Variants in CCDC85B observed in about 807,000 individuals in gnomAD.
The protein encoded by CCDC85B is coiled-coil domain-containing protein 85B.
A neutral mutation model predicts 13.6 loss-of-function variants in CCDC85B; 8 were observed. That is an observed-to-expected ratio of 0.59 (90% CI 0.35 to 1.06). The LOEUF (loss-of-function observed/expected upper bound fraction) is 1.06. CCDC85B is among the 50% of genes least tolerant of loss of function. The pLI is 0.02. For missense variants in CCDC85B, 217 were observed against 285.9 expected, an observed-to-expected ratio of 0.76 and a Z score of 1.74; for synonymous variants, 118 against 135.9, an observed-to-expected ratio of 0.87 and a Z score of 0.92.
rs929261562 is a variant in CCDC85B at position 65,890,767 on chromosome 11, C to A, written c.-17C>A. The A allele has an allele frequency of 1.0e-5, 15 of 1,429,210 alleles. No homozygotes were observed. Among genetic ancestry groups the A allele is most frequent in the Middle Eastern group, 2.4e-4 (1 of 4,134 alleles). 88.5% of individuals were successfully genotyped at this position (1,429,210 alleles called of 1,614,324 possible). ...CCGCGGCGGCGGGCGGGCGATGCTC[C>A]AGAGGCCTGACCAGCCATGGAGGCC... On this transcript the variant is annotated 5_prime_UTR_variant, in exon 1 of 1. Transcript: ENST00000312579.
Position 65,891,034 on chromosome 11 carries a change from T to C in CCDC85B, c.251T>C (p.Leu84Pro). The C allele has an allele frequency of 6.5e-7, 1 of 1,543,696 alleles. No homozygotes were observed. Among genetic ancestry groups the C allele is most frequent in the South Asian group, 1.2e-5 (1 of 84,154 alleles). Residue 84 changes from leucine (L) to proline (P), a missense_variant, in exon 1 of 1, where the codon CTG becomes CCG. Transcript: ENST00000312579. The surrounding 1 kb of genome is among the most constrained non-coding windows in gnomAD (Gnocchi z 7.3). Reference protein sequence around the residue: ...NRELRDLCCFLDSERQRGRRA... With the variant: ...NRELRDLCCFPDSERQRGRRA... ...GAGCTGCGCGACCTCTGCTGCTTCC[T>C]GGACTCGGAGCGCCAGCGCGGGCGG... is the stretch of plus-strand genomic sequence containing the variant.
Position 65,891,270 on chromosome 11 carries a change from G to A in CCDC85B, c.487G>A (p.Gly163Arg). ...CAGCGGCGCCGGGGGATCAGGAGCC[G>A]GGCCAGCACCCGAGCTTGCCTTGCC... ...GPSGAGGSGA[G>R]PAPELALPPC... is the part of the protein sequence containing the mutation. The change falls in exon 1 of 1, where the codon GGG (glycine) becomes AGG (arginine). Residue 163 changes from glycine to arginine, a missense_variant. Transcript: ENST00000312579. The surrounding 1 kb of genome is among the most constrained non-coding windows in gnomAD (Gnocchi z 7.3). 1.3e-6 allele frequency: 2 copies of A among 1,544,100 alleles called. No individual in the cohort carries two copies. Among genetic ancestry groups the A allele is most frequent in the Middle Eastern group, 1.8e-4 (1 of 5,678 alleles).
Position 65,891,493 on chromosome 11 carries a change from G to A in CCDC85B, c.*101G>A, listed in dbSNP as rs1166754932. On this transcript the variant is annotated 3_prime_UTR_variant, in exon 1 of 1. Transcript: ENST00000312579. This position sits in a 1 kb window ranked among gnomAD's most constrained non-coding sequence, Gnocchi z 7.3. The stretch of plus-strand genomic sequence containing the variant: ...TGGACGCCGTCCTGGCTGCGCAGGA[G>A]GGGCCGCTGGCATGGACTAAGAAAT... 24 of 1,322,184 alleles carry A rather than the reference G, an allele frequency of 1.8e-5. No individual in the cohort carries two copies. Among genetic ancestry groups the A allele is most frequent in the Non-Finnish European group, 2.4e-5 (24 of 1,001,110 alleles). 81.9% of individuals were successfully genotyped at this position (1,322,184 alleles called of 1,614,324 possible). A position where few individuals can be genotyped will look rare whatever the true frequency, so the allele number is the denominator to read the frequency against.
At position 65,891,093 on chromosome 11, in the gene CCDC85B, C is replaced by G; in HGVS notation, c.310C>G (p.Gln104Glu). 1 of 1,570,088 alleles carries G rather than the reference C, an allele frequency of 6.4e-7. No individual in the cohort carries two copies. Among genetic ancestry groups the G allele is most frequent in the Middle Eastern group, 1.7e-4 (1 of 5,818 alleles). Reference sequence around the variant, plus strand: ...ACGCCAGTGGCAGCTCTTCGGGACCCAAGCATCCCGGGCCGTGCGCGAGGA... The same window carrying G: ...ACGCCAGTGGCAGCTCTTCGGGACCGAAGCATCCCGGGCCGTGCGCGAGGA... ...AARQWQLFGT[Q>E]ASRAVREDLG... Residue 104 changes from glutamine (Q) to glutamate (E), a missense_variant, in exon 1 of 1, where the codon CAA (glutamine) becomes GAA (glutamate). Gln to Glu is a conservative substitution (Grantham distance 29). Coordinates refer to ENST00000312579, the MANE Select transcript of CCDC85B (RefSeq NM_006848.3). This position sits in a 1 kb window ranked among gnomAD's most constrained non-coding sequence, Gnocchi z 7.3.
In CCDC85B at chr11:65,891,402, T is replaced by G. The variant is rs1344160651; in HGVS notation, c.*10T>G. The G allele has an allele frequency of 6.4e-7, 1 of 1,554,114 alleles. No individual in the cohort carries two copies. Among genetic ancestry groups the G allele is most frequent in the Admixed American group, 2.0e-5 (1 of 50,346 alleles). ...TTCCCCCGATGATTGAAGGCACTGC[T>G]TCCTCCACGCCGACGCCCGCCCGGA... is the stretch of plus-strand genomic sequence containing the variant. On this transcript the variant is annotated 3_prime_UTR_variant, in exon 1 of 1. Coordinates refer to ENST00000312579, the MANE Select transcript of CCDC85B (RefSeq NM_006848.3). This position sits in a 1 kb window ranked among gnomAD's most constrained non-coding sequence, Gnocchi z 7.3.
In CCDC85B at chr11:65,890,975, G is replaced by C; in HGVS notation, c.192G>C (p.Lys64Asn). The change falls in exon 1 of 1, where the codon AAG (lysine) becomes AAC (asparagine). Residue 64 changes from lysine (K) to asparagine (N), a missense_variant. Coordinates refer to ENST00000312579, the MANE Select transcript of CCDC85B (RefSeq NM_006848.3). ...QGHLGEIREL[K>N]QLNRRLQAEN... ...ACCTGGGCGAGATCCGCGAGCTCAAGCAGCTCAACCGGCGTCTGCAGGCAG... is the reference window on the plus strand; with the variant it reads ...ACCTGGGCGAGATCCGCGAGCTCAACCAGCTCAACCGGCGTCTGCAGGCAG... The C allele has an allele frequency of 6.5e-7, 1 of 1,533,352 alleles. No individual in the cohort carries two copies. The highest frequency in any genetic ancestry group is 8.7e-7 in the Non-Finnish European group (1 of 1,146,366). The allele number at this position is 1,533,352 out of a possible 1,614,324, so 95.0% of individuals were successfully genotyped here. A position where few individuals can be genotyped will look rare whatever the true frequency, so the allele number is the denominator to read the frequency against.
At position 65,891,126 on chromosome 11, in the gene CCDC85B, G is replaced by A; in HGVS notation, c.343G>A (p.Gly115Ser). The change falls in exon 1 of 1, where the codon GGC becomes AGC. Residue 115 changes from glycine to serine, a missense_variant. Physicochemically the swap from Gly to Ser is moderately conservative, Grantham distance 56. Coordinates refer to ENST00000312579, the MANE Select transcript of CCDC85B (RefSeq NM_006848.3). The surrounding 1 kb of genome is among the most constrained non-coding windows in gnomAD (Gnocchi z 7.3). ...CCGGGCCGTGCGCGAGGACCTGGGC[G>A]GCTGTTGGCAGAAGCTGGCCGAGCT... ...ASRAVREDLG[G>S]CWQKLAELEG... is the part of the protein sequence containing the mutation. The A allele has an allele frequency of 1.3e-6, 2 of 1,570,906 alleles. No individual in the cohort carries two copies. The highest frequency in any genetic ancestry group is 1.2e-5 in the South Asian group (1 of 85,966).
Position 65,890,702 on chromosome 11 carries a change from CGAGCCT to C in CCDC85B, c.-78_-73del, listed in dbSNP as rs1219612314. On this transcript the variant is annotated 5_prime_UTR_variant, in exon 1 of 1. Coordinates refer to ENST00000312579, the MANE Select transcript of CCDC85B (RefSeq NM_006848.3). ...GCCTGCCGCGTGCGGAGCCGGAGCC[CGAGCCT>C]GAGTGGCGCCGGGCCCGACGTGGGG... The C allele has an allele frequency of 9.8e-6, 13 of 1,330,360 alleles. No homozygotes were observed. Among genetic ancestry groups the C allele is most frequent in the Non-Finnish European group, 1.2e-5 (13 of 1,043,074 alleles). The allele number at this position is 1,330,360 out of a possible 1,614,324, so 82.4% of individuals were successfully genotyped here.
chr11:65,891,474 C>T lies in CCDC85B; in HGVS notation c.*82C>T. ...CGCTGTGGACCTCGGGACCTGGACG[C>T]CGTCCTGGCTGCGCAGGAGGGGCCG... On this transcript the variant is annotated 3_prime_UTR_variant, in exon 1 of 1. Transcript: ENST00000312579. This position sits in a 1 kb window ranked among gnomAD's most constrained non-coding sequence, Gnocchi z 7.3. 1.4e-6 allele frequency: 2 copies of T among 1,421,030 alleles called. No individual in the cohort carries two copies. The highest frequency in any genetic ancestry group is 1.5e-5 in the South Asian group (1 of 65,126). 88.0% of individuals were successfully genotyped at this position (1,421,030 alleles called of 1,614,324 possible).
Position 65,891,294 on chromosome 11 carries a change from C to T in CCDC85B, c.511C>T (p.Pro171Ser). ...GAGPAPELAL[P>S]PCGPRDLGDG... Reference sequence around the variant, plus strand: ...CGGGCCAGCACCCGAGCTTGCCTTGCCCCCGTGCGGGCCCCGCGACCTAGG... The same window carrying T: ...CGGGCCAGCACCCGAGCTTGCCTTGTCCCCGTGCGGGCCCCGCGACCTAGG... Residue 171 changes from proline to serine, a missense_variant, in exon 1 of 1, where the codon CCC becomes TCC. Physicochemically the swap from Pro to Ser is moderately conservative, Grantham distance 74. Coordinates refer to ENST00000312579, the MANE Select transcript of CCDC85B (RefSeq NM_006848.3). This position sits in a 1 kb window ranked among gnomAD's most constrained non-coding sequence, Gnocchi z 7.3. 1 of 1,575,802 alleles carries T rather than the reference C, an allele frequency of 6.3e-7. No individual in the cohort carries two copies. The highest frequency in any genetic ancestry group is 1.4e-5 in the African/African-American group (1 of 72,614).
rs1394096270 is a variant in CCDC85B at position 65,890,837 on chromosome 11, G to T, written c.54G>T (p.Ala18=). The change falls in exon 1 of 1, where the codon GCG becomes GCT. Residue 18 remains alanine (A), a synonymous_variant. Coordinates refer to ENST00000312579, the MANE Select transcript of CCDC85B (RefSeq NM_006848.3). ...LEELTDEEMA[A]LGKEELVRRL... is the part of the protein sequence containing the mutation. ...AGCTGACGGACGAGGAGATGGCGGC[G>T]CTAGGCAAGGAAGAGCTAGTGCGGC... 6.6e-7 allele frequency: 1 copy of T among 1,521,142 alleles called. No homozygotes were observed. The highest frequency in any genetic ancestry group is 8.8e-7 in the Non-Finnish European group (1 of 1,141,266). The allele number at this position is 1,521,142 out of a possible 1,614,324, so 94.2% of individuals were successfully genotyped here. A position where few individuals can be genotyped will look rare whatever the true frequency, so the allele number is the denominator to read the frequency against.
In CCDC85B at chr11:65,891,527, C is replaced by A; in HGVS notation, c.*135C>A. 5 of 958,024 alleles carry A rather than the reference C, an allele frequency of 5.2e-6. No individual in the cohort carries two copies. Among genetic ancestry groups the A allele is most frequent in the Non-Finnish European group, 7.2e-6 (5 of 690,872 alleles). 59.3% of individuals were successfully genotyped at this position (958,024 alleles called of 1,614,324 possible). ...GGCATGGACTAAGAAATCCTGACAC[C>A]AAGAAGGGCCCCTCGCTCTTGCTGG... On this transcript the variant is annotated 3_prime_UTR_variant, in exon 1 of 1. Coordinates refer to ENST00000312579, the MANE Select transcript of CCDC85B (RefSeq NM_006848.3). This position sits in a 1 kb window ranked among gnomAD's most constrained non-coding sequence, Gnocchi z 7.3.
Position 65,890,724 on chromosome 11 carries a change from C to G in CCDC85B, c.-60C>G. The G allele has an allele frequency of 1.5e-6, 2 of 1,352,028 alleles. No homozygotes were observed. Among genetic ancestry groups the G allele is most frequent in the Non-Finnish European group, 9.5e-7 (1 of 1,057,952 alleles). The allele number at this position is 1,352,028 out of a possible 1,614,324, so 83.8% of individuals were successfully genotyped here. ...GCCCGAGCCTGAGTGGCGCCGGGCC[C>G]GACGTGGGGCTCCTGGGCCGCGGCG... On this transcript the variant is annotated 5_prime_UTR_variant, in exon 1 of 1. Transcript: ENST00000312579.
rs1422004878 is a variant in CCDC85B, at chr11:65,891,443, C to T, written c.*51C>T. The T allele has an allele frequency of 6.7e-7, 1 of 1,500,950 alleles. No individual in the cohort carries two copies. The highest frequency in any genetic ancestry group is 8.9e-7 in the Non-Finnish European group (1 of 1,126,568). The allele number at this position is 1,500,950 out of a possible 1,614,324, so 93.0% of individuals were successfully genotyped here. A position where few individuals can be genotyped will look rare whatever the true frequency, so the allele number is the denominator to read the frequency against. Reference sequence around the variant, plus strand: ...CCCGCCCGGATTGCTCCCCGAGCCCCGGGACCGCTGTGGACCTCGGGACCT... The same window carrying T: ...CCCGCCCGGATTGCTCCCCGAGCCCTGGGACCGCTGTGGACCTCGGGACCT... On this transcript the variant is annotated 3_prime_UTR_variant, in exon 1 of 1. Coordinates refer to ENST00000312579, the MANE Select transcript of CCDC85B (RefSeq NM_006848.3). This position sits in a 1 kb window ranked among gnomAD's most constrained non-coding sequence, Gnocchi z 7.3.
At position 65,890,759 on chromosome 11, in the gene CCDC85B, C is replaced by A. The variant is rs908786091; in HGVS notation, c.-25C>A. 5.1e-6 allele frequency: 7 copies of A among 1,376,200 alleles called. No homozygotes were observed. The highest frequency in any genetic ancestry group is 6.5e-6 in the Non-Finnish European group (7 of 1,072,638). The allele number at this position is 1,376,200 out of a possible 1,614,324, so 85.2% of individuals were successfully genotyped here. The stretch of plus-strand genomic sequence containing the variant: ...CTCCTGGGCCGCGGCGGCGGGCGGG[C>A]GATGCTCCAGAGGCCTGACCAGCCA... On this transcript the variant is annotated 5_prime_UTR_variant, in exon 1 of 1. Transcript: ENST00000312579.
At position 65,891,218 on chromosome 11, in the gene CCDC85B, C is replaced by A. The variant is rs1860380066; in HGVS notation, c.435C>A (p.Gly145=). 1 of 1,510,364 alleles carries A rather than the reference C, an allele frequency of 6.6e-7. No homozygotes were observed. The allele number at this position is 1,510,364 out of a possible 1,614,324, so 93.6% of individuals were successfully genotyped here. Residue 145 remains glycine, a synonymous_variant, in exon 1 of 1, where the codon GGC becomes GGA. Transcript: ENST00000312579. This position sits in a 1 kb window ranked among gnomAD's most constrained non-coding sequence, Gnocchi z 7.3. ...TTAAGGAGCTCTGCCTGGCGCTGGG[C>A]GAAGAATGGGGCCCCCGCGGCGGCC... The part of the protein sequence containing the change: ...LALKELCLAL[G]EEWGPRGGPS...
Position 65,891,091 on chromosome 11 carries a change from C to A in CCDC85B, c.308C>A (p.Thr103Asn). 6.4e-7 allele frequency: 1 copy of A among 1,568,968 alleles called. No individual in the cohort carries two copies. Reference protein sequence around the residue: ...RAARQWQLFGTQASRAVREDL... With the variant: ...RAARQWQLFGNQASRAVREDL... ...GCACGCCAGTGGCAGCTCTTCGGGA[C>A]CCAAGCATCCCGGGCCGTGCGCGAG... Residue 103 changes from threonine to asparagine, a missense_variant, in exon 1 of 1, where the codon ACC becomes AAC. By Grantham distance (65) the Thr-to-Asn change is moderately conservative. Coordinates refer to ENST00000312579, the MANE Select transcript of CCDC85B (RefSeq NM_006848.3). This position sits in a 1 kb window ranked among gnomAD's most constrained non-coding sequence, Gnocchi z 7.3.
Position 65,891,602 on chromosome 11 carries a change from TGGA to T in CCDC85B, c.*211_*213del. 1.8e-6 allele frequency: 1 copy of T among 543,716 alleles called. No individual in the cohort carries two copies. The allele number at this position is 543,716 out of a possible 1,614,324, so 33.7% of individuals were successfully genotyped here. A position where few individuals can be genotyped will look rare whatever the true frequency, so the allele number is the denominator to read the frequency against. ...TGGAGCGGAGGGACTTGCTGGGGGT[TGGA>T]TTGGGGGTAATAAACCCGGACGGAA... is the stretch of plus-strand genomic sequence containing the variant. On this transcript the variant is annotated 3_prime_UTR_variant, in exon 1 of 1. Transcript: ENST00000312579. The surrounding 1 kb of genome is among the most constrained non-coding windows in gnomAD (Gnocchi z 7.3).
In CCDC85B at chr11:65,891,250, G is replaced by T. The variant is rs199500126; in HGVS notation, c.467G>T (p.Gly156Val). The T allele has an allele frequency of 5.5e-4, 844 of 1,522,852 alleles. 6 individuals are homozygous for T. The African/African-American group carries it at 1.0e-2, about 18-fold the overall frequency. The allele number at this position is 1,522,852 out of a possible 1,614,324, so 94.3% of individuals were successfully genotyped here. A position where few individuals can be genotyped will look rare whatever the true frequency, so the allele number is the denominator to read the frequency against. Reference protein sequence around the residue: ...EEWGPRGGPSGAGGSGAGPAP... With the variant: ...EEWGPRGGPSVAGGSGAGPAP... ...TGGGGCCCCCGCGGCGGCCCCAGCG[G>T]CGCCGGGGGATCAGGAGCCGGGCCA... The change falls in exon 1 of 1, where the codon GGC becomes GTC. Residue 156 changes from glycine to valine, a missense_variant. Physicochemically the swap from Gly to Val is moderately radical, Grantham distance 109. Transcript: ENST00000312579. The surrounding 1 kb of genome is among the most constrained non-coding windows in gnomAD (Gnocchi z 7.3).
Sources: allele counts gnomAD v4.1 joint callset, GRCh38; gene constraint gnomAD v4.1.1; non-coding constraint Gnocchi (gnomAD v3.1); transcripts MANE v1.5; gene names NCBI Gene and HGNC (gene_info 2026-07-23, HGNC 2026-07-21).